INPP5A: variants seen among roughly 807,000 people sequenced by gnomAD.
INPP5A encodes the protein inositol polyphosphate-5-phosphatase A.
INPP5A carries 14 observed loss-of-function variants against 65.2 expected under a neutral mutation model. The observed-to-expected ratio is 0.21, with a 90% CI of 0.14 to 0.34. The LOEUF is 0.34. Among genes scored for constraint, INPP5A ranks in the 10% least tolerant of loss-of-function variants. INPP5A has a pLI of 1.00. For missense variants in INPP5A, 431 were observed against 545.6 expected, an observed-to-expected ratio of 0.79 and a Z score of 2.09; for synonymous variants, 207 against 208.3, an observed-to-expected ratio of 0.99 and a Z score of 0.05.
At chr10:132,712,536 G>A (rs1043726129) in intron 8 of INPP5A, among the ~76,000 whole-genome samples, 6 of 151,446 alleles carry the variant, frequency 4.0e-5, no homozygotes, top group African/African-American at 1.5e-4. Flanking sequence ...TGCATTGTGT[G>A]TGCACACGTG....
chr10:132,754,848 T>C (rs1047017669), intron 11 of INPP5A, among the ~76,000 whole-genome samples: 12 of 152,238 alleles, frequency 7.9e-5, no homozygotes, highest in African/African-American at 2.7e-4. Flanking sequence ...GTTGTTCCTA[T>C]TGGAGTGTGT....
At chr10:132,688,635 G>A (rs553327033) in intron 4 of INPP5A, among the ~76,000 whole-genome samples, 30 of 151,376 alleles carry the variant, frequency 2.0e-4, no homozygotes, top group African/African-American at 6.1e-4. Context: ...AAGTGCGTGC[G>A]TGTGCATGAG....
intron 4 of INPP5A, among the ~76,000 whole-genome samples, chr10:132,670,228 TACACCCCCTGACCCC>T (rs1199366885): frequency 2.8e-4 from 3 of 10,638 alleles, no homozygotes; most frequent in African/African-American, 1.1e-3. Flanking sequence ...CCCCTGACCC[TACACCCCCTGACCCC>T]ACACCCCCTG....
chr10:132,600,265 T>C (rs796834132), intron 1 of INPP5A, among the ~76,000 whole-genome samples: 8 of 152,382 alleles, frequency 5.2e-5, no homozygotes, highest in African/African-American at 1.9e-4. Flanking sequence ...TTTTGCTGTT[T>C]AGAAATTCCT....
intron 1 of INPP5A, among the ~76,000 whole-genome samples, chr10:132,604,940 G>A (rs891220131): frequency 6.6e-6 from 1 of 152,148 alleles, no homozygotes; most frequent in Non-Finnish European, 1.5e-5. Flanking sequence ...GGGAGGCCAC[G>A]GGCTCAGGGC....
chr10:132,691,895 A>G (rs2767422), intron 5 of INPP5A, among the ~76,000 whole-genome samples: 195 of 129,056 alleles, frequency 1.5e-3, no homozygotes, highest in African/African-American at 4.9e-3. Context: ...CGCGGGAGAC[A>G]TGCGGTCGCG....
At chr10:132,602,543 C>T (rs1375099997) in intron 1 of INPP5A, among the ~76,000 whole-genome samples, 1 of 152,190 alleles carries the variant, frequency 6.6e-6, no homozygotes, top group Non-Finnish European at 1.5e-5. Flanking sequence ...GATCCACCTG[C>T]CTCTGCCTCC....
rs1344435976 is a variant in INPP5A at position 132,678,221 on chromosome 10, G to C, written c.307-12171G>C. On this transcript the variant is annotated intron_variant, in intron 4 of 15. Transcript: ENST00000368594. This position sits in a 1 kb window ranked among gnomAD's most constrained non-coding sequence, Gnocchi z 4.1. ...CCGTATGCTGCCTGGGGGTGGCACT[G>C]GGGGAAGTGGGCAGTAGTGAGGACG... 6.6e-6 allele frequency among the ~76,000 whole-genome samples: 1 copy of C among 152,238 alleles called. No individual in the cohort carries two copies. Among genetic ancestry groups the C allele is most frequent in the Non-Finnish European group, 1.5e-5 (1 of 68,046 alleles).
intron 1 of INPP5A, among the ~76,000 whole-genome samples, chr10:132,605,775 C>CTTGTCT (rs918988819): frequency 2.0e-5 from 3 of 152,136 alleles, no homozygotes; most frequent in African/African-American, 7.2e-5. Context: ...CCTTGAGGGC[C>CTTGTCT]TTGTCTTTTT....
rs375941297 is a variant in INPP5A, at chr10:132,645,888, G to T, written c.138G>T (p.Pro46=). ...EFYQVVHTHK[P]HFMALHCQEF... ...TCCAGGTCGTGCACACACACAAGCC[G>T]CACTTCATGGCCTTGCACTGTCAGG... The change falls in exon 3 of 16, where the codon CCG becomes CCT. Residue 46 remains proline, a synonymous_variant. Coordinates refer to ENST00000368594, the MANE Select transcript of INPP5A (RefSeq NM_005539.5). The T allele has an allele frequency of 5.0e-6, 8 of 1,613,658 alleles. No individual in the cohort carries two copies. The highest frequency in any genetic ancestry group is 6.8e-6 in the Non-Finnish European group (8 of 1,179,790).
At chr10:132,750,273 C>T (rs1402716836) in intron 11 of INPP5A, among the ~76,000 whole-genome samples, 1 of 152,194 alleles carries the variant, frequency 6.6e-6, no homozygotes, top group East Asian at 1.9e-4. Flanking sequence ...TGTGTGAGCA[C>T]GTGTGTGTGC....
intron 8 of INPP5A, among the ~76,000 whole-genome samples, chr10:132,719,690 G>T (rs1381186397): frequency 6.6e-6 from 1 of 150,486 alleles, no homozygotes; most frequent in Non-Finnish European, 1.5e-5. Flanking sequence ...TGTCTTGCAG[G>T]TTCTGTGGTA....
rs181821008 is a variant in INPP5A, at chr10:132,654,348, G to A, written c.306+3843G>A. ...GAGGGCAGCCTTGCCTGGCAGGTAGGAGGGTCCAGGATGCCCCAGATGCCC... is the reference window on the plus strand; with the variant it reads ...GAGGGCAGCCTTGCCTGGCAGGTAGAAGGGTCCAGGATGCCCCAGATGCCC... On this transcript the variant is annotated intron_variant, in intron 4 of 15. Coordinates refer to ENST00000368594, the MANE Select transcript of INPP5A (RefSeq NM_005539.5). Among the ~76,000 whole-genome samples the A allele has an allele frequency of 1.6e-4, 24 of 152,376 alleles. No individual in the cohort carries two copies. In the East Asian group the frequency reaches 4.2e-3, roughly 27 times the overall value.
chr10:132,572,282 A>G (rs985746202), intron 1 of INPP5A, among the ~76,000 whole-genome samples: 2 of 143,400 alleles, frequency 1.4e-5, no homozygotes, highest in African/African-American at 5.3e-5. Flanking sequence ...AGCTGGCAAG[A>G]TGCCCCTGGT....
chr10:132,749,474 G>A (rs764655331), intron 9 of INPP5A, 43 bp from the exon 10 acceptor site: 12 of 1,574,278 alleles, frequency 7.6e-6, no homozygotes, highest in Admixed American at 1.7e-5. Context: ...CCATGGGCAG[G>A]TGGGCCCCCC....
intron 1 of INPP5A, among the ~76,000 whole-genome samples, chr10:132,564,866 C>T (rs908360960): frequency 6.6e-6 from 1 of 152,048 alleles, no homozygotes; most frequent in African/African-American, 2.4e-5. Flanking sequence ...CTGTTGCATG[C>T]CCCCGTATGC....
intron 1 of INPP5A, among the ~76,000 whole-genome samples, chr10:132,554,066 G>C (rs1046250246): frequency 6.6e-6 from 1 of 151,438 alleles, no homozygotes; most frequent in African/African-American, 2.4e-5. Flanking sequence ...CAGGGAGGGA[G>C]GACTGGTGAA....
chr10:132,782,244 A>G lies in INPP5A; in HGVS notation c.*215A>G. 1 of 501,724 alleles carries G rather than the reference A, an allele frequency of 2.0e-6. No individual in the cohort carries two copies. Among genetic ancestry groups the G allele is most frequent in the Non-Finnish European group, 3.3e-6 (1 of 300,742 alleles). The allele number at this position is 501,724 out of a possible 1,614,324, so 31.1% of individuals were successfully genotyped here. A position where few individuals can be genotyped will look rare whatever the true frequency, so the allele number is the denominator to read the frequency against. The stretch of plus-strand genomic sequence containing the variant: ...TCTGTCTATGTGACATTAAGTAGAA[A>G]TATTGGTTTTTTTTTTTTTTTTTTA... On this transcript the variant is annotated 3_prime_UTR_variant, in exon 16 of 16. Transcript: ENST00000368594. The surrounding 1 kb of genome is among the most constrained non-coding windows in gnomAD (Gnocchi z 4.4).
Position 132,753,660 on chromosome 10 carries a change from C to G in INPP5A, c.903+3815C>G, listed in dbSNP as rs1360035770. 2 of 152,142 alleles carry G rather than the reference C, an allele frequency of 1.3e-5. No homozygotes were observed. Among genetic ancestry groups the G allele is most frequent in the Admixed American group, 1.3e-4 (2 of 15,282 alleles). 9.4% of individuals were successfully genotyped at this position (152,142 alleles called of 1,614,324 possible). On this transcript the variant is annotated intron_variant, in intron 11 of 15. Transcript: ENST00000368594. This position sits in a 1 kb window ranked among gnomAD's most constrained non-coding sequence, Gnocchi z 5.3. ...AAATTTTCCTCGGCTGTCCCAGGGC[C>G]GGGCTTGGGAGTTTCCGCAGCACCG...
Sources: gnomAD v4.1 joint callset for allele counts (sites outside exome capture counted in the v4.1 genomes callset) on GRCh38, gnomAD v4.1.1 for gene constraint, Gnocchi (gnomAD v3.1) non-coding constraint, MANE v1.5 for transcripts, NCBI Gene and HGNC (gene_info 2026-07-23, HGNC 2026-07-21) for gene names.